Variants in HACD2 observed in about 807,000 individuals in gnomAD.
HACD2 encodes 3-hydroxyacyl-CoA dehydratase 2.
Under a neutral mutation model 31.0 loss-of-function variants are expected in HACD2, and 15 were observed. The observed-to-expected ratio is 0.48, with a 90% CI of 0.32 to 0.75. The LOEUF (loss-of-function observed/expected upper bound fraction) is 0.75, where lower values mean the gene tolerates loss of function less well. HACD2 is among the 30% of genes least tolerant of loss of function. The pLI is 0.03. For missense variants in HACD2, 283 were observed against 313.0 expected, an observed-to-expected ratio of 0.90 and a Z score of 0.72; for synonymous variants, 115 against 122.2, an observed-to-expected ratio of 0.94 and a Z score of 0.39.
At position 123,569,805 on chromosome 3, in the gene HACD2, T is replaced by G. The variant is rs372171319; in HGVS notation, c.274-2025A>C. Among the ~76,000 whole-genome samples the G allele has an allele frequency of 2.6e-5, 4 of 151,860 alleles. No homozygotes were observed. The South Asian group carries it at 6.3e-4, about 24-fold the overall frequency. On this transcript the variant is annotated intron_variant, in intron 2 of 6. Transcript: ENST00000383657. ...GAGTTTGAGACCAGCTTGGCCAACA[T>G]GGTGAAACCCCATCTCTACTAAAAA...
At chr3:123,570,308 G>A (rs531816214) in intron 2 of HACD2, among the ~76,000 whole-genome samples, 28 of 152,002 alleles carry the variant, frequency 1.8e-4, no homozygotes, top group African/African-American at 2.7e-4. Context: ...TTCAAAATAC[G>A]TATTTCAACT....
Position 123,570,917 on chromosome 3 carries a change from T to TACACACACACACACACACACACACAC in HACD2, c.274-3163_274-3138dup, listed in dbSNP as rs149856963. Reference sequence around the variant, plus strand: ...TTTCACAACCTAGATTTCATACCATTACACACACACACACACACACACACA... The same window carrying TACACACACACACACACACACACACAC: ...TTTCACAACCTAGATTTCATACCATTACACACACACACACACACACACACACACACACACACACACACACACACACA... On this transcript the variant is annotated intron_variant, in intron 2 of 6. Transcript: ENST00000383657. 9.3e-4 allele frequency among the ~76,000 whole-genome samples: 134 copies of TACACACACACACACACACACACACAC among 144,846 alleles called. 2 individuals are homozygous for TACACACACACACACACACACACACAC. Among genetic ancestry groups the TACACACACACACACACACACACACAC allele is most frequent in the African/African-American group, 2.1e-3 (83 of 39,002 alleles).
intron 4 of HACD2, among the ~76,000 whole-genome samples, chr3:123,510,166 G>A (rs138691507): frequency 2.0e-4 from 31 of 152,012 alleles, no homozygotes; most frequent in East Asian, 7.7e-4. Flanking sequence ...TCCCCTCACC[G>A]CCCCCAGGTA....
intron 3 of HACD2, among the ~76,000 whole-genome samples, chr3:123,552,102 G>C (rs770576641): frequency 1.3e-5 from 2 of 152,116 alleles, no homozygotes; most frequent in Non-Finnish European, 2.9e-5. Flanking sequence ...GAGAAGAGCA[G>C]AACAGAAGGC....
chr3:123,567,830 T>TGAAA, intron 2 of HACD2, 50 bp from the exon 3 acceptor site: 3 of 1,267,470 alleles, frequency 2.4e-6, no homozygotes, highest in Non-Finnish European at 3.3e-6. Flanking sequence ...AATCAAGATA[T>TGAAA]TAAAGTTTTA....
intron 4 of HACD2, among the ~76,000 whole-genome samples, chr3:123,524,495 T>C (rs1375976392): frequency 2.0e-5 from 3 of 152,190 alleles, no homozygotes; most frequent in Non-Finnish European, 4.4e-5. Context: ...AATTGATGTG[T>C]ACATCTGATG....
At chr3:123,554,425 C>G (rs921852132) in intron 3 of HACD2, among the ~76,000 whole-genome samples, 1 of 151,904 alleles carries the variant, frequency 6.6e-6, no homozygotes, top group Admixed American at 6.6e-5. Flanking sequence ...CACTTGAGCC[C>G]AGGAGTCCAA....
intron 4 of HACD2, among the ~76,000 whole-genome samples, chr3:123,508,557 T>C (rs1229880349): frequency 6.6e-6 from 1 of 152,214 alleles, no homozygotes; most frequent in Non-Finnish European, 1.5e-5. Context: ...ACCACTATTG[T>C]AGAAACCCTA....
rs150000929 is a variant in HACD2 at position 123,500,642 on chromosome 3, G to A, written c.555C>T (p.Leu185=). 3.7e-6 allele frequency: 6 copies of A among 1,613,326 alleles called. No individual in the cohort carries two copies. The highest frequency in any genetic ancestry group is 1.1e-5 in the South Asian group (1 of 90,992). Residue 185 remains leucine (L), a synonymous_variant, in exon 6 of 7, where the codon CTC becomes CTT. Transcript: ENST00000383657. The stretch of plus-strand genomic sequence containing the variant: ...CAAAGGGCAGAGCTGCATATATTGT[G>A]AGCAGTTCTCCTGACACTCCCATTG... ...LYPMGVSGEL[L]TIYAALPFVR... is the part of the protein sequence containing the mutation.
Position 123,509,499 on chromosome 3 carries a change from C to CTTTT in HACD2, c.382-6819_382-6818insAAAA, listed in dbSNP as rs775984895. Among the ~76,000 whole-genome samples the CTTTT allele has an allele frequency of 6.1e-5, 2 of 32,820 alleles. 1 individual carries two copies. Among genetic ancestry groups the CTTTT allele is most frequent in the Non-Finnish European group, 1.9e-4 (2 of 10,544 alleles). 21.5% of individuals were successfully genotyped at this position (32,820 alleles called of 152,430 possible). ...CCCTCCAACCTTCCCCTTCCTGTGA[C>CTTTT]TTCTTTTTTTTTTTTTTGAGATGGA... is the stretch of plus-strand genomic sequence containing the variant. On this transcript the variant is annotated intron_variant, in intron 4 of 6. Transcript: ENST00000383657.
chr3:123,581,725 C>G (rs2056968426), intron 2 of HACD2, among the ~76,000 whole-genome samples: 1 of 152,180 alleles, frequency 6.6e-6, no homozygotes, highest in Admixed American at 6.5e-5. Flanking sequence ...CTAATCTATA[C>G]TTACCCCAAG....
chr3:123,505,693 G>C (rs2055966340), intron 4 of HACD2, among the ~76,000 whole-genome samples: 1 of 152,186 alleles, frequency 6.6e-6, no homozygotes, highest in African/African-American at 2.4e-5. Context: ...AAATAGATGA[G>C]ACCCCATTTA....
chr3:123,499,707 T>C (rs2055879898), intron 6 of HACD2: 1 of 452,190 alleles, frequency 2.2e-6, no homozygotes. Flanking sequence ...ACAGTGGTTA[T>C]AGAAATAGCA....
At chr3:123,525,507 T>C (rs1462900362) in intron 4 of HACD2, among the ~76,000 whole-genome samples, 4 of 152,118 alleles carry the variant, frequency 2.6e-5, no homozygotes, top group African/African-American at 9.7e-5. Context: ...GCATGTCCCA[T>C]AGGGCTTCTT....
chr3:123,522,332 C>CAA (rs34478912), intron 4 of HACD2, among the ~76,000 whole-genome samples: 7,758 of 116,846 alleles, frequency 0.066, 481 homozygotes, highest in East Asian at 0.26. Context: ...TGTCTCCAAA[C>CAA]AAAAAAAAAA....
At chr3:123,501,694 C>T (rs1234484315) in intron 5 of HACD2, among the ~76,000 whole-genome samples, 1 of 152,240 alleles carries the variant, frequency 6.6e-6, no homozygotes, top group Non-Finnish European at 1.5e-5. Context: ...GGGTAAAAAG[C>T]TTCCACAGTG....
intron 6 of HACD2, 39 bp downstream of exon 6, chr3:123,500,476 T>C (rs756079348): frequency 7.1e-7 from 1 of 1,405,124 alleles, no homozygotes; most frequent in African/African-American, 1.4e-5. Context: ...GAGCCAAATT[T>C]TAAAACATAA....
rs918153344 is a variant in HACD2 at position 123,585,035 on chromosome 3, G to A, written c.-8C>T. On this transcript the variant is annotated 5_prime_UTR_variant, in exon 1 of 7. Coordinates refer to ENST00000383657, the MANE Select transcript of HACD2 (RefSeq NM_198402.5). ...CGCCGCCACTGCCGCCATGTCAAGT[G>A]CCCGAAGCCCGCTCTCCTAGCGCGA... 1 of 1,472,556 alleles carries A rather than the reference G, an allele frequency of 6.8e-7. No individual in the cohort carries two copies. Among genetic ancestry groups the A allele is most frequent in the Admixed American group, 2.4e-5 (1 of 40,864 alleles). 91.2% of individuals were successfully genotyped at this position (1,472,556 alleles called of 1,614,324 possible).
At position 123,493,837 on chromosome 3, in the gene HACD2, T is replaced by G. The variant is rs551111020; in HGVS notation, c.*1051A>C. The G allele has an allele frequency of 2.0e-5, 3 of 152,230 alleles. No homozygotes were observed. The highest frequency in any genetic ancestry group is 2.0e-4 in the Admixed American group (3 of 15,282). The allele number at this position is 152,230 out of a possible 1,614,324, so 9.4% of individuals were successfully genotyped here. On this transcript the variant is annotated 3_prime_UTR_variant, in exon 7 of 7. Transcript: ENST00000383657. ...TATGGACTTATAGCTTGGTGGAAATTAACATAGGAAGTTAATTAGCAAAAG... is the reference window on the plus strand; with the variant it reads ...TATGGACTTATAGCTTGGTGGAAATGAACATAGGAAGTTAATTAGCAAAAG...
Sources: allele counts gnomAD v4.1 joint callset (sites outside exome capture counted in the v4.1 genomes callset), GRCh38; gene constraint gnomAD v4.1.1; transcripts MANE v1.5; gene names NCBI Gene and HGNC (gene_info 2026-07-23, HGNC 2026-07-21).